CNOT4: variants seen among roughly 807,000 people sequenced by gnomAD.
The protein encoded by CNOT4 is CCR4-NOT transcription complex subunit 4.
CNOT4 carries 8 observed loss-of-function variants against 73.8 expected under a neutral mutation model. That is an observed-to-expected ratio of 0.11 (90% CI 0.06 to 0.20). The LOEUF (loss-of-function observed/expected upper bound fraction) is 0.20, where lower values mean the gene tolerates loss of function less well. Ranked by LOEUF, CNOT4 falls within the 10% of genes least tolerant of loss-of-function variation. The pLI, the probability that CNOT4 is intolerant of heterozygous loss-of-function variation, is 1.00. For missense variants in CNOT4, 564 were observed against 883.4 expected (o/e 0.64, Z 4.58); for synonymous variants, 293 against 321.1 (o/e 0.91, Z 0.94).
chr7:135,416,190 G>A (rs372558565), intron 3 of CNOT4, among the ~76,000 whole-genome samples: 1 of 152,058 alleles, frequency 6.6e-6, no homozygotes, highest in East Asian at 1.9e-4. Context: ...CTATTCAAGT[G>A]TGTGTAAAGT....
chr7:135,441,361 G>A (rs374326175), intron 1 of CNOT4, among the ~76,000 whole-genome samples: 66 of 147,986 alleles, frequency 4.5e-4, no homozygotes, highest in Middle Eastern at 3.6e-3. Flanking sequence ...AAAATACAAC[G>A]AAATAGTGTC....
At chr7:135,384,674 C>T (rs1216967006) in intron 10 of CNOT4, 1 of 765,278 alleles carries the variant, frequency 1.3e-6, no homozygotes, top group South Asian at 1.3e-5. Flanking sequence ...ACTGAATGAG[C>T]CTATCTTCTC....
chr7:135,394,641 A>G (rs184885077), intron 9 of CNOT4, among the ~76,000 whole-genome samples: 1 of 152,296 alleles, frequency 6.6e-6, no homozygotes, highest in Admixed American at 6.5e-5. Flanking sequence ...AATGATATAG[A>G]CTGATTTTGC....
chr7:135,505,561 C>T (rs923549191), intron 1 of CNOT4, among the ~76,000 whole-genome samples: 1 of 151,496 alleles, frequency 6.6e-6, no homozygotes, highest in Admixed American at 6.6e-5. Context: ...TGGGGAGTAG[C>T]GGGGAGAAAA....
intron 10 of CNOT4, among the ~76,000 whole-genome samples, chr7:135,378,917 C>T (rs888701381): frequency 2.1e-5 from 3 of 146,064 alleles, no homozygotes; most frequent in African/African-American, 7.6e-5. Context: ...CCAGGGAGGT[C>T]GAGGTTGCAG....
rs181802351 is a variant in CNOT4 at position 135,416,353 on chromosome 7, T to C, written c.373-1091A>G. 2.8e-3 allele frequency among the ~76,000 whole-genome samples: 419 copies of C among 152,318 alleles called. 4 individuals are homozygous for C. Among genetic ancestry groups the C allele is most frequent in the Non-Finnish European group, 2.3e-3 (158 of 68,018 alleles). ...TACCTAATTAATAGAAAGTAATTAATCTTATATTTTATTTTAGGTGCTTGT... is the reference window on the plus strand; with the variant it reads ...TACCTAATTAATAGAAAGTAATTAACCTTATATTTTATTTTAGGTGCTTGT... On this transcript the variant is annotated intron_variant, in intron 3 of 11. Transcript: ENST00000541284.
At chr7:135,418,910 T>C (rs1340823071) in intron 3 of CNOT4, among the ~76,000 whole-genome samples, 1 of 152,150 alleles carries the variant, frequency 6.6e-6, no homozygotes, top group Non-Finnish European at 1.5e-5. Context: ...TCAGCACACA[T>C]TTAAGCACTT....
rs1213714228 is a variant in CNOT4 at position 135,472,257 on chromosome 7, C to T, written c.-92-33834G>A. 4.7e-5 allele frequency among the ~76,000 whole-genome samples: 7 copies of T among 150,098 alleles called. No homozygotes were observed. The East Asian group carries it at 1.4e-3, about 30-fold the overall frequency. On this transcript the variant is annotated intron_variant, in intron 1 of 11. Transcript: ENST00000541284. Reference sequence around the variant, plus strand: ...CTTTGGGAGGCCGAGGTGGGCAGATCATGAGGTCAGGAGATCGAGACCATC... The same window carrying T: ...CTTTGGGAGGCCGAGGTGGGCAGATTATGAGGTCAGGAGATCGAGACCATC...
rs375293293 is a variant in CNOT4 at position 135,503,848 on chromosome 7, C to A, written c.-93+6041G>T. On this transcript the variant is annotated intron_variant, in intron 1 of 11. Transcript: ENST00000541284. ...TAAAAGCAACACTGTTTATATTATACAACTTCAATTAGAGCATTCACAAGA... is the reference window on the plus strand; with the variant it reads ...TAAAAGCAACACTGTTTATATTATAAAACTTCAATTAGAGCATTCACAAGA... Among the ~76,000 whole-genome samples the A allele has an allele frequency of 2.6e-5, 4 of 152,140 alleles. 1 individual carries two copies. Among genetic ancestry groups the A allele is most frequent in the African/African-American group, 9.6e-5 (4 of 41,514 alleles).
At chr7:135,455,873 C>T (rs1442125753) in intron 1 of CNOT4, among the ~76,000 whole-genome samples, 1 of 151,926 alleles carries the variant, frequency 6.6e-6, no homozygotes, top group African/African-American at 2.4e-5. Flanking sequence ...CTCAAAAAAA[C>T]AAACAAACAA....
intron 1 of CNOT4, among the ~76,000 whole-genome samples, chr7:135,466,702 C>A (rs1183663806): frequency 6.6e-6 from 1 of 152,100 alleles, no homozygotes; most frequent in Admixed American, 6.5e-5. Flanking sequence ...ATGGTGAATG[C>A]CCTAAACAGG....
At chr7:135,473,053 T>C (rs1013424380) in intron 1 of CNOT4, among the ~76,000 whole-genome samples, 1 of 147,894 alleles carries the variant, frequency 6.8e-6, no homozygotes, top group East Asian at 2.0e-4. Flanking sequence ...AAAAAAAAAA[T>C]ACAATTTATA....
At chr7:135,437,725 T>G (rs1023659626) in intron 2 of CNOT4, among the ~76,000 whole-genome samples, 1 of 152,344 alleles carries the variant, frequency 6.6e-6, no homozygotes, top group Middle Eastern at 3.4e-3. Context: ...TTTTAACTCT[T>G]TTTAGTAAAC....
chr7:135,485,681 A>AC (rs1554444105), intron 1 of CNOT4, among the ~76,000 whole-genome samples: 2 of 152,252 alleles, frequency 1.3e-5, no homozygotes, highest in South Asian at 2.1e-4. Flanking sequence ...TGCGAGAGCA[A>AC]TGCGACTTCC....
intron 1 of CNOT4, among the ~76,000 whole-genome samples, chr7:135,467,163 G>A (rs1257611162): frequency 6.6e-6 from 1 of 152,154 alleles, no homozygotes; most frequent in Non-Finnish European, 1.5e-5. Context: ...AGGCATTTAT[G>A]ATGATCATGA....
chr7:135,376,617 C>T (rs576878321), intron 10 of CNOT4, among the ~76,000 whole-genome samples: 5 of 151,984 alleles, frequency 3.3e-5, no homozygotes, highest in Admixed American at 6.6e-5. Flanking sequence ...CATAATTTTC[C>T]AAATTAAAAG....
chr7:135,411,194 T>C (rs951811956), intron 6 of CNOT4, among the ~76,000 whole-genome samples: 3 of 152,102 alleles, frequency 2.0e-5, no homozygotes, highest in Admixed American at 6.6e-5. Context: ...TCTTTTCTTC[T>C]ATGGTTATCA....
intron 1 of CNOT4, among the ~76,000 whole-genome samples, chr7:135,493,170 A>C (rs1803229671): frequency 6.6e-6 from 1 of 152,168 alleles, no homozygotes; most frequent in Admixed American, 6.5e-5. Flanking sequence ...TCAGAGCAGG[A>C]AAATGGTTGG....
chr7:135,423,241 TA>T (rs1246087067), intron 2 of CNOT4, among the ~76,000 whole-genome samples: 1 of 151,840 alleles, frequency 6.6e-6, no homozygotes, highest in Admixed American at 6.6e-5. Context: ...AGGGGCACAT[TA>T]AATGCCATAA....
Sources: gnomAD v4.1 joint callset for allele counts (sites outside exome capture counted in the v4.1 genomes callset) on GRCh38, gnomAD v4.1.1 for gene constraint, MANE v1.5 for transcripts, NCBI Gene and HGNC (gene_info 2026-07-23, HGNC 2026-07-21) for gene names.